P2RX5: variants seen among roughly 807,000 people sequenced by gnomAD.
P2RX5 encodes the protein purinergic receptor P2X 5.
P2RX5 carries 46 observed loss-of-function variants against 54.1 expected under a neutral mutation model. The observed-to-expected ratio is 0.85, with a 90% CI of 0.67 to 1.09. P2RX5 has a LOEUF of 1.09. Among genes scored for constraint, P2RX5 ranks in the 50% least tolerant of loss-of-function variants. The pLI, the probability that P2RX5 is intolerant of heterozygous loss-of-function variation, is 0.00. For missense variants in P2RX5, 566 were observed against 549.8 expected (o/e 1.03, Z -0.29); for synonymous variants, 226 against 226.4 (o/e 1.00, Z 0.02).
In P2RX5 at chr17:3,679,624, C is replaced by T. The variant is rs373920522; in HGVS notation, c.1225G>A (p.Gly409Arg). 4.6e-5 allele frequency: 74 copies of T among 1,608,756 alleles called. No individual in the cohort carries two copies. Among genetic ancestry groups the T allele is most frequent in the East Asian group, 6.7e-5 (3 of 44,896 alleles). The change falls in exon 11 of 12, where the codon GGA becomes AGA. Residue 409 changes from glycine (G) to arginine (R), a missense_variant. Gly to Arg is a moderately radical substitution (Grantham distance 125, BLOSUM62 -2). Coordinates refer to ENST00000225328, the MANE Select transcript of P2RX5 (RefSeq NM_002561.4). ...TCCAGGAGCTGTGGGCACACAGATC[C>T]GTTCCCCTTCTGACTGCTGCTTCCA... ...KRGSSSQKGN[G>R]SVCPQLLEPH...
At chr17:3,675,320 G>A (rs2050078037) in intron 11 of P2RX5, 13 of 982,802 alleles carry the variant, frequency 1.3e-5, no homozygotes, top group South Asian at 9.4e-5. Flanking sequence ...GATTACAGGC[G>A]TGAGCCACCG....
chr17:3,714,401 T>C, the P2RX5 span, among the ~76,000 whole-genome samples: 1 of 151,028 alleles, frequency 6.6e-6, no homozygotes, highest in South Asian at 2.1e-4. Context: ...CTAATTTTTG[T>C]ATTTTTAGTA....
rs1597271253 is a variant in P2RX5 at position 3,691,789 on chromosome 17, A to C, written c.143T>G (p.Val48Gly). 2 of 1,613,976 alleles carry C rather than the reference A, an allele frequency of 1.2e-6. No individual in the cohort carries two copies. The highest frequency in any genetic ancestry group is 1.7e-6 in the Non-Finnish European group (2 of 1,180,012). ...ASILAYLVVW[V>G]FLIKKGYQDV... ...TTGGTAACCCTTCTTTATCAGGAAC[A>C]CCCATCTGTGGGAAGGGGGCCGGTA... The change falls in exon 2 of 12, where the codon GTG (valine) becomes GGG (glycine). Residue 48 changes from valine to glycine, a missense_variant. Transcript: ENST00000225328.
the P2RX5 span, among the ~76,000 whole-genome samples, chr17:3,713,032 CG>C: frequency 6.6e-6 from 1 of 151,916 alleles, no homozygotes; most frequent in African/African-American, 2.4e-5. Context: ...TCTAAACAGT[CG>C]GGGGAAAAAA....
the P2RX5 span, among the ~76,000 whole-genome samples, chr17:3,710,675 C>A: frequency 6.6e-6 from 1 of 151,946 alleles, no homozygotes; most frequent in African/African-American, 2.4e-5. Flanking sequence ...CGCCTGGAAT[C>A]CCAGCACTTT....
At chr17:3,711,031 T>A in the P2RX5 span, among the ~76,000 whole-genome samples, 1 of 152,206 alleles carries the variant, frequency 6.6e-6, no homozygotes, top group African/African-American at 2.4e-5. Flanking sequence ...AGTGGCCCTA[T>A]GGCATGACTC....
At chr17:3,716,682 A>G in the P2RX5 span, 1 of 1,534,996 alleles carries the variant, frequency 6.5e-7, no homozygotes, top group Non-Finnish European at 9.0e-7. Flanking sequence ...CATGAGTAGA[A>G]CTGACCTTGA....
the P2RX5 span, among the ~76,000 whole-genome samples, chr17:3,706,359 T>C: frequency 1.3e-5 from 2 of 151,962 alleles, no homozygotes; most frequent in East Asian, 3.9e-4. Flanking sequence ...GCTCTCAAAG[T>C]GCTGGGGTTA....
intron 11 of P2RX5, chr17:3,675,445 C>G (rs569974308): frequency 2.0e-6 from 2 of 985,334 alleles, no homozygotes; most frequent in East Asian, 1.1e-4. Flanking sequence ...CAGCCATGAC[C>G]CCTGCCTTTT....
At chr17:3,692,122 G>A in intron 1 of P2RX5, 1 of 248,490 alleles carries the variant, frequency 4.0e-6, no homozygotes, top group Non-Finnish European at 7.9e-6. Context: ...GGCTAACACA[G>A]TGAAACCCTG....
rs147533828 is a variant in P2RX5 at position 3,680,090 on chromosome 17, C to T, written c.1065-306G>A. On this transcript the variant is annotated intron_variant, in intron 10 of 11. Coordinates refer to ENST00000225328, the MANE Select transcript of P2RX5 (RefSeq NM_002561.4). ...CCTCCACCTGGCTTCCTCCATCCTACGTCCTCCACCCAGCGTCCTCCACCC... is the reference window on the plus strand; with the variant it reads ...CCTCCACCTGGCTTCCTCCATCCTATGTCCTCCACCCAGCGTCCTCCACCC... Among the ~76,000 whole-genome samples the T allele has an allele frequency of 5.6e-3, 827 of 146,372 alleles. 8 individuals carry two copies. Among genetic ancestry groups the T allele is most frequent in the Non-Finnish European group, 8.2e-3 (544 of 66,398 alleles).
chr17:3,701,795 T>G, the P2RX5 span, among the ~76,000 whole-genome samples: 2 of 140,350 alleles, frequency 1.4e-5, no homozygotes, highest in African/African-American at 5.2e-5. Flanking sequence ...TTGCTCTGTC[T>G]CCGAGGCTGG....
At chr17:3,682,104 G>A in intron 9 of P2RX5, 126 bp from the exon 10 acceptor site, 3 of 718,378 alleles carry the variant, frequency 4.2e-6, no homozygotes, top group Non-Finnish European at 7.6e-6. Flanking sequence ...TTTAACAGAT[G>A]AGGAAACTGG....
upstream of P2RX5, among the ~76,000 whole-genome samples, chr17:3,699,874 A>AAAGAAAGGAAGGAAGGAAGG (rs1567744280): frequency 1.4e-4 from 6 of 42,770 alleles, no homozygotes; most frequent in Admixed American, 1.0e-3. Flanking sequence ...AGAAAGAAAG[A>AAAGAAAGGAAGGAAGGAAGG]AAGGAAGGAA....
upstream of P2RX5, among the ~76,000 whole-genome samples, chr17:3,699,905 G>GGAAT (rs2050805522): frequency 2.8e-5 from 1 of 35,428 alleles, no homozygotes; most frequent in Non-Finnish European, 1.0e-4. Flanking sequence ...AAGGAAGGAA[G>GGAAT]GAAGGAAGGA....
At chr17:3,719,255 A>AG in the P2RX5 span, among the ~76,000 whole-genome samples, 1 of 140,988 alleles carries the variant, frequency 7.1e-6, no homozygotes, top group Non-Finnish European at 1.5e-5. Flanking sequence ...AAAAAAAAAA[A>AG]AGAAAAGAAA....
At chr17:3,699,095 C>CACACACATA (rs60173844), upstream of P2RX5, among the ~76,000 whole-genome samples, 7,130 of 100,096 alleles carry the variant, frequency 0.071, 390 homozygotes, top group Middle Eastern at 0.094. Context: ...ACACACACAC[C>CACACACATA]TATATATATA....
Position 3,677,290 on chromosome 17 carries a change from A to G in P2RX5, c.1259+2300T>C, listed in dbSNP as rs2050126353. The G allele has an allele frequency of 3.0e-6, 3 of 985,184 alleles. No individual in the cohort carries two copies. In the Admixed American group the frequency reaches 1.8e-4, roughly 61 times the overall value. The allele number at this position is 985,184 out of a possible 1,614,324, so 61.0% of individuals were successfully genotyped here. ...GGGGTGGGGAGGGCAGGAGCTCGGCAGGGTCAAGGCGACTGTATCTCCCAT... is the reference window on the plus strand; with the variant it reads ...GGGGTGGGGAGGGCAGGAGCTCGGCGGGGTCAAGGCGACTGTATCTCCCAT... On this transcript the variant is annotated intron_variant, in intron 11 of 11. Coordinates refer to ENST00000225328, the MANE Select transcript of P2RX5 (RefSeq NM_002561.4).
In P2RX5 at chr17:3,679,601, C is replaced by T. The variant is rs773499575; in HGVS notation, c.1248G>A (p.Leu416=). The T allele has an allele frequency of 4.4e-6, 7 of 1,607,342 alleles. No homozygotes were observed. Residue 416 remains leucine, a synonymous_variant, in exon 11 of 12, where the codon CTG becomes CTA. Transcript: ENST00000225328. ...KGNGSVCPQL[L]EPHRST The stretch of plus-strand genomic sequence containing the variant: ...AGCAGTGGCCTCACCTGTGGGGCTC[C>T]AGGAGCTGTGGGCACACAGATCCGT...
Sources: allele counts gnomAD v4.1 joint callset (sites outside exome capture counted in the v4.1 genomes callset), GRCh38; gene constraint gnomAD v4.1.1; transcripts MANE v1.5; gene names NCBI Gene and HGNC (gene_info 2026-07-23, HGNC 2026-07-21).